FGF14: variants seen among roughly 807,000 people sequenced by gnomAD.
FGF14 encodes the protein fibroblast growth factor 14, also known as fibroblast growth factor homologous factor 4.
A neutral mutation model predicts 25.5 loss-of-function variants in FGF14; 5 were observed. That is an observed-to-expected ratio of 0.20 (90% CI 0.10 to 0.41). The LOEUF (loss-of-function observed/expected upper bound fraction) is 0.41, where lower values mean the gene tolerates loss of function less well. Among genes scored for constraint, FGF14 ranks in the 10% least tolerant of loss-of-function variants. The probability of loss-of-function intolerance (pLI) is 1.00; values close to 1 mark genes in which losing one functional copy is unlikely to be tolerated. For missense variants in FGF14, 222 were observed against 320.1 expected (o/e 0.69, Z 2.34); for synonymous variants, 138 against 118.3 (o/e 1.17, Z -1.08).
chr13:101,983,392 G>A (rs1361989121), intron 1 of FGF14, among the ~76,000 whole-genome samples: 1 of 152,068 alleles, frequency 6.6e-6, no homozygotes, highest in Non-Finnish European at 1.5e-5. Context: ...CTGTACAATT[G>A]AAACTCAAGT....
intron 1 of FGF14, among the ~76,000 whole-genome samples, chr13:102,189,828 C>A (rs1214882561): frequency 1.3e-5 from 2 of 152,112 alleles, no homozygotes; most frequent in Non-Finnish European, 2.9e-5. Context: ...GAGGAGCCCA[C>A]AGATCACATG....
intron 1 of FGF14, among the ~76,000 whole-genome samples, chr13:102,396,264 G>A (rs1160341682): frequency 6.6e-6 from 1 of 152,112 alleles, no homozygotes; most frequent in African/African-American, 2.4e-5. Context: ...GGGCTCAAAG[G>A]TTTTATTAAA....
At chr13:102,361,646 C>CAGA (rs2057569355) in intron 1 of FGF14, among the ~76,000 whole-genome samples, 1 of 152,182 alleles carries the variant, frequency 6.6e-6, no homozygotes, top group African/African-American at 2.4e-5. Flanking sequence ...TGTTGTTCTT[C>CAGA]AGTTCCATGG....
intron 1 of FGF14, among the ~76,000 whole-genome samples, chr13:102,144,735 G>A (rs1378296038): frequency 6.6e-6 from 1 of 152,208 alleles, no homozygotes; most frequent in East Asian, 1.9e-4. Flanking sequence ...GAATTGCATT[G>A]ATCCCAGAGT....
chr13:101,715,860 T>G lies in FGF14; in HGVS notation c.*6971A>C, dbSNP rs2034698889. On this transcript the variant is annotated 3_prime_UTR_variant, in exon 5 of 5. Coordinates refer to ENST00000376143, the MANE Select transcript of FGF14 (RefSeq NM_004115.4). ...GCAAATAACATTAGAAAAAAAAGAT[T>G]CTTCCATAATTAACATAAGTGGTTC... 1 of 455,494 alleles carries G rather than the reference T, an allele frequency of 2.2e-6. No individual in the cohort carries two copies. Among genetic ancestry groups the G allele is most frequent in the Non-Finnish European group, 3.9e-6 (1 of 254,352 alleles). 28.2% of individuals were successfully genotyped at this position (455,494 alleles called of 1,614,324 possible).
intron 3 of FGF14, among the ~76,000 whole-genome samples, chr13:101,772,587 A>G (rs925916802): frequency 1.3e-5 from 2 of 152,004 alleles, no homozygotes; most frequent in African/African-American, 4.8e-5. Context: ...ATTTGAATTC[A>G]CTCTAATTGG....
At chr13:102,094,020 C>G in intron 1 of FGF14, among the ~76,000 whole-genome samples, 1 of 144,204 alleles carries the variant, frequency 6.9e-6, no homozygotes. Context: ...AAAGCAAAGT[C>G]ATGGTATGAC....
intron 1 of FGF14, among the ~76,000 whole-genome samples, chr13:102,275,669 A>T (rs2053501683): frequency 6.9e-6 from 1 of 144,164 alleles, no homozygotes; most frequent in Admixed American, 7.4e-5. Context: ...AGATTTCGGA[A>T]CACAAATAGG....
chr13:102,347,474 G>A (rs969956420), intron 1 of FGF14, among the ~76,000 whole-genome samples: 2 of 152,204 alleles, frequency 1.3e-5, no homozygotes, highest in Non-Finnish European at 1.5e-5. Flanking sequence ...CACATCATCA[G>A]GAGTTGACAT....
intron 1 of FGF14, among the ~76,000 whole-genome samples, chr13:102,031,224 T>C (rs2041191354): frequency 6.6e-6 from 1 of 152,118 alleles, no homozygotes; most frequent in Non-Finnish European, 1.5e-5. Flanking sequence ...ATTAGAGTCC[T>C]GATCATGAAA....
intron 1 of FGF14, among the ~76,000 whole-genome samples, chr13:102,361,732 C>T (rs1041376752): frequency 3.9e-5 from 6 of 152,140 alleles, no homozygotes; most frequent in Non-Finnish European, 5.9e-5. Context: ...GAATTCTAGA[C>T]CCTTAAAACA....
At chr13:102,354,583 T>C (rs983591392) in intron 1 of FGF14, among the ~76,000 whole-genome samples, 5 of 152,170 alleles carry the variant, frequency 3.3e-5, no homozygotes, top group Non-Finnish European at 5.9e-5. Flanking sequence ...CCCAGCCACA[T>C]TGGGCACGTG....
intron 1 of FGF14, among the ~76,000 whole-genome samples, chr13:102,070,176 C>G (rs1469313507): frequency 6.6e-6 from 1 of 152,056 alleles, no homozygotes; most frequent in African/African-American, 2.4e-5. Context: ...TCAAACAACT[C>G]AATAAGAAAA....
intron 1 of FGF14, among the ~76,000 whole-genome samples, chr13:102,206,826 C>A (rs2049948125): frequency 6.6e-6 from 1 of 152,128 alleles, no homozygotes; most frequent in Non-Finnish European, 1.5e-5. Context: ...TGCCATTGCA[C>A]ACAACAAGCT....
intron 1 of FGF14, among the ~76,000 whole-genome samples, chr13:102,018,278 C>T (rs2040450594): frequency 6.6e-6 from 1 of 152,116 alleles, no homozygotes; most frequent in Non-Finnish European, 1.5e-5. Context: ...TTGTACACCA[C>T]CTGGTGTTTC....
chr13:101,747,621 T>G (rs2036972809), intron 3 of FGF14, among the ~76,000 whole-genome samples: 1 of 151,884 alleles, frequency 6.6e-6, no homozygotes, highest in Admixed American at 6.6e-5. Context: ...TGATCATCAT[T>G]AAAATAAAAA....
At chr13:102,010,130 A>G (rs1242647523) in intron 1 of FGF14, among the ~76,000 whole-genome samples, 1 of 152,180 alleles carries the variant, frequency 6.6e-6, no homozygotes, top group African/African-American at 2.4e-5. Context: ...TCACACTCCA[A>G]ATGAGCTATT....
intron 1 of FGF14, among the ~76,000 whole-genome samples, chr13:101,890,505 GTCATCCC>G (rs1255524262): frequency 6.6e-6 from 1 of 152,068 alleles, no homozygotes; most frequent in Non-Finnish European, 1.5e-5. Context: ...AGCTCCTAAG[GTCATCCC>G]AGAAAGGCAG....
At chr13:102,048,199 TGGCTCTTA>T (rs1229067110) in intron 1 of FGF14, among the ~76,000 whole-genome samples, 8 of 152,026 alleles carry the variant, frequency 5.3e-5, no homozygotes, top group African/African-American at 1.9e-4. Context: ...GGAAACAGCA[TGGCTCTTA>T]GGTCATAACC....
Sources: gnomAD v4.1 joint callset for allele counts (sites outside exome capture counted in the v4.1 genomes callset) on GRCh38, gnomAD v4.1.1 for gene constraint, MANE v1.5 for transcripts, NCBI Gene and HGNC (gene_info 2026-07-23, HGNC 2026-07-21) for gene names.